Variants in C1GALT1 observed in about 807,000 individuals in gnomAD.
C1GALT1 encodes the protein glycoprotein-N-acetylgalactosamine 3-beta-galactosyltransferase 1.
C1GALT1 carries 11 observed loss-of-function variants against 31.0 expected under a neutral mutation model. The ratio of observed to expected loss-of-function variants is 0.36; its 90% confidence interval spans 0.22 to 0.59. C1GALT1 has a LOEUF of 0.59. Among genes scored for constraint, C1GALT1 ranks in the 20% least tolerant of loss-of-function variants. The probability of loss-of-function intolerance (pLI) is 0.79; values close to 1 mark genes in which losing one functional copy is unlikely to be tolerated. For missense variants in C1GALT1, 424 were observed against 425.2 expected (o/e 1.00, Z 0.03); for synonymous variants, 175 against 143.6 (o/e 1.22, Z -1.56).
rs371322872 is a variant in C1GALT1, at chr7:7,238,291, A to C, written c.257A>C (p.Lys86Thr). ...GACATTGCTGAAAACCTCTATCAGA[A>C]AGTTAGAATTCTTTGCTGGGTTATG... ...NTDIAENLYQ[K>T]VRILCWVMTG... is the part of the protein sequence containing the mutation. The change falls in exon 3 of 4, where the codon AAA becomes ACA. Residue 86 changes from lysine to threonine, a missense_variant. By Grantham distance (78) the Lys-to-Thr change is moderately conservative (BLOSUM62 -1). Around this residue, in one of 3 missense-constraint regions of C1GALT1, gnomAD observed 189 missense variants for 158.2 expected, o/e 1.19. Coordinates refer to ENST00000436587, the MANE Select transcript of C1GALT1 (RefSeq NM_020156.5). This position sits in a 1 kb window ranked among gnomAD's most constrained non-coding sequence, Gnocchi z 5.2. 1.1e-5 allele frequency: 18 copies of C among 1,607,902 alleles called. No individual in the cohort carries two copies. Among genetic ancestry groups the C allele is most frequent in the Non-Finnish European group, 1.5e-5 (18 of 1,178,392 alleles).
chr7:7,181,867 C>T (rs1301113943), upstream of C1GALT1, among the ~76,000 whole-genome samples: 1 of 152,180 alleles, frequency 6.6e-6, no homozygotes, highest in Admixed American at 6.5e-5. Context: ...CAGGTGGCAG[C>T]CTCCTCCCCC....
intron 2 of C1GALT1, among the ~76,000 whole-genome samples, chr7:7,172,555 T>C (rs939440129): frequency 6.6e-6 from 1 of 152,188 alleles, no homozygotes; most frequent in Non-Finnish European, 1.5e-5. Context: ...CCTCTCTTTG[T>C]CATCTAAAAC....
At position 7,238,327 on chromosome 7, in the gene C1GALT1, A is replaced by C. The variant is rs1388557748; in HGVS notation, c.293A>C (p.Gln98Pro). The change falls in exon 3 of 4, where the codon CAA becomes CCA. Residue 98 changes from glutamine to proline, a missense_variant. By Grantham distance (76) the Gln-to-Pro change is moderately conservative. Transcript: ENST00000436587. This position sits in a 1 kb window ranked among gnomAD's most constrained non-coding sequence, Gnocchi z 5.2. Reference protein sequence around the residue: ...RILCWVMTGPQNLEKKAKHVK... With the variant: ...RILCWVMTGPPNLEKKAKHVK... ...CTTTGCTGGGTTATGACCGGCCCTC[A>C]AAACCTAGAGAAAAAGGCCAAACAC... 6.2e-7 allele frequency: 1 copy of C among 1,614,082 alleles called. No homozygotes were observed. The highest frequency in any genetic ancestry group is 8.5e-7 in the Non-Finnish European group (1 of 1,179,970).
intron 1 of C1GALT1, among the ~76,000 whole-genome samples, chr7:7,224,566 T>C (rs1170033141): frequency 6.6e-6 from 1 of 152,110 alleles, no homozygotes; most frequent in Non-Finnish European, 1.5e-5. Context: ...TGAATTGTGA[T>C]GGTTTATGCT....
intron 1 of C1GALT1, among the ~76,000 whole-genome samples, chr7:7,187,467 A>T (rs932193814): frequency 6.6e-6 from 1 of 151,850 alleles, no homozygotes; most frequent in Non-Finnish European, 1.5e-5. Flanking sequence ...TCTTTTATGT[A>T]AATGTGAGAA....
chr7:7,217,097 T>TA (rs1165754967), intron 1 of C1GALT1, among the ~76,000 whole-genome samples: 1 of 151,976 alleles, frequency 6.6e-6, no homozygotes, highest in Non-Finnish European at 1.5e-5. Flanking sequence ...GCTGCATACT[T>TA]ACCAGTCTGA....
At chr7:7,225,029 G>C (rs929401007) in intron 1 of C1GALT1, among the ~76,000 whole-genome samples, 1 of 117,768 alleles carries the variant, frequency 8.5e-6, no homozygotes, top group African/African-American at 4.7e-5. Context: ...TATGTCCTCT[G>C]TGTTTAGTTA....
intron 1 of C1GALT1, among the ~76,000 whole-genome samples, chr7:7,197,266 C>G (rs564600110): frequency 1.3e-5 from 2 of 150,024 alleles, no homozygotes; most frequent in Non-Finnish European, 3.0e-5. Context: ...ATATGGCTAG[C>G]CAGTTTTCCC....
rs566285423 is a variant in C1GALT1, at chr7:7,187,669, T to C, written c.-18+4849T>C. ...AGAGTTATCCAGCTCTTAATGTCAG[T>C]AGCGCCAAGGTTAAGAAACCTTAGT... On this transcript the variant is annotated intron_variant, in intron 1 of 3. Transcript: ENST00000436587. Among the ~76,000 whole-genome samples the C allele has an allele frequency of 1.6e-3, 237 of 152,146 alleles. 2 individuals carry two copies. The highest frequency in any genetic ancestry group is 0.01 in the Middle Eastern group (3 of 294).
chr7:7,215,598 A>G (rs1367523585), intron 1 of C1GALT1, among the ~76,000 whole-genome samples: 1 of 152,166 alleles, frequency 6.6e-6, no homozygotes, highest in Non-Finnish European at 1.5e-5. Context: ...AACACCATAG[A>G]AAGGAATTCC....
chr7:7,195,004 G>A (rs557298492), intron 1 of C1GALT1, among the ~76,000 whole-genome samples: 115 of 152,004 alleles, frequency 7.6e-4, no homozygotes, highest in African/African-American at 2.7e-3. Context: ...GTATTTCTGT[G>A]GTATCAATCT....
intron 2 of C1GALT1, among the ~76,000 whole-genome samples, chr7:7,235,615 CATGTGTATT>C (rs1783300852): frequency 6.6e-6 from 1 of 152,146 alleles, no homozygotes; most frequent in Non-Finnish European, 1.5e-5. Flanking sequence ...TCACTGCAGG[CATGTGTATT>C]AGATACATAC....
At chr7:7,229,805 G>A (rs755761784) in intron 1 of C1GALT1, among the ~76,000 whole-genome samples, 2 of 152,168 alleles carry the variant, frequency 1.3e-5, no homozygotes, top group African/African-American at 2.4e-5. Context: ...AGAGAAAACA[G>A]CAGAAAGACA....
chr7:7,192,662 AGATACCCAGTAGTGG>A (rs1429583351), intron 1 of C1GALT1, among the ~76,000 whole-genome samples: 1 of 152,094 alleles, frequency 6.6e-6, no homozygotes, highest in East Asian at 1.9e-4. Flanking sequence ...TTCTCTGGGT[AGATACCCAGTAGTGG>A]GATTGCTGGG....
At chr7:7,172,738 G>T (rs1208553892) in intron 2 of C1GALT1, among the ~76,000 whole-genome samples, 3 of 152,086 alleles carry the variant, frequency 2.0e-5, no homozygotes, top group African/African-American at 7.2e-5. Flanking sequence ...CACAAATACA[G>T]CCTCCCCCAC....
chr7:7,191,681 T>A (rs1308626302), intron 1 of C1GALT1, among the ~76,000 whole-genome samples: 1 of 152,170 alleles, frequency 6.6e-6, no homozygotes, highest in Non-Finnish European at 1.5e-5. Flanking sequence ...GTTATGGGTA[T>A]AAGGTAGCAT....
chr7:7,182,664 G>A lies in C1GALT1; in HGVS notation c.-174G>A. On this transcript the variant is annotated 5_prime_UTR_variant, in exon 1 of 4. Coordinates refer to ENST00000436587, the MANE Select transcript of C1GALT1 (RefSeq NM_020156.5). ...CCGCCTTGGCCGCCGCCGCTGTGCT[G>A]CCGCTGCCGGGGAATAATCTGGGCG... 7.7e-6 allele frequency: 3 copies of A among 388,438 alleles called. No individual in the cohort carries two copies. The highest frequency in any genetic ancestry group is 1.1e-5 in the Non-Finnish European group (3 of 284,116). The allele number at this position is 388,438 out of a possible 1,614,324, so 24.1% of individuals were successfully genotyped here. A position where few individuals can be genotyped will look rare whatever the true frequency, so the allele number is the denominator to read the frequency against.
intron 1 of C1GALT1, among the ~76,000 whole-genome samples, chr7:7,216,412 C>G (rs1462605632): frequency 6.6e-6 from 1 of 152,112 alleles, no homozygotes; most frequent in Non-Finnish European, 1.5e-5. Context: ...CTAACCACAT[C>G]TACCCAAGCA....
At chr7:7,224,728 A>C (rs11767988) in intron 1 of C1GALT1, among the ~76,000 whole-genome samples, 70,785 of 151,446 alleles carry the variant, frequency 0.47, 17,641 homozygotes, top group African/African-American at 0.65. Flanking sequence ...CTCAATCTTT[A>C]GAGGCTGTCC....
Sources: allele counts gnomAD v4.1 joint callset (sites outside exome capture counted in the v4.1 genomes callset), GRCh38; gene constraint gnomAD v4.1.1; regional missense constraint gnomAD v4.1.1; non-coding constraint Gnocchi (gnomAD v3.1); transcripts MANE v1.5; gene names NCBI Gene and HGNC (gene_info 2026-07-23, HGNC 2026-07-21).